PARN: variants seen among roughly 807,000 people sequenced by gnomAD.
PARN encodes the protein poly(A)-specific ribonuclease, also known as poly(A)-specific ribonuclease PARN.
PARN carries 71 observed loss-of-function variants against 102.8 expected under a neutral mutation model. The ratio of observed to expected loss-of-function variants is 0.69; its 90% CI spans 0.57 to 0.84. The LOEUF (loss-of-function observed/expected upper bound fraction) is 0.84. PARN is among the 40% of genes least tolerant of loss of function. PARN has a pLI of 0.00. For missense variants in PARN, 782 were observed against 760.9 expected (o/e 1.03, Z -0.33); for synonymous variants, 261 against 252.9 (o/e 1.03, Z -0.30).
At chr16:14,617,031 T>A (rs1971947225) in intron 6 of PARN, among the ~76,000 whole-genome samples, 1 of 150,406 alleles carries the variant, frequency 6.6e-6, no homozygotes, top group Admixed American at 6.6e-5. Flanking sequence ...TGAAGTAGTA[T>A]CTATTCTGTT....
At chr16:14,464,305 A>T (rs1270214408) in intron 22 of PARN, among the ~76,000 whole-genome samples, 1 of 152,240 alleles carries the variant, frequency 6.6e-6, no homozygotes, top group Non-Finnish European at 1.5e-5. Flanking sequence ...GCCACAGAGA[A>T]AGTTGTATTA....
intron 18 of PARN, among the ~76,000 whole-genome samples, chr16:14,559,167 G>A (rs1967891995): frequency 6.6e-6 from 1 of 151,616 alleles, no homozygotes; most frequent in African/African-American, 2.4e-5. Flanking sequence ...TACCAGGAAG[G>A]ATTATACTAA....
At chr16:14,502,033 A>G (rs1381945285) in intron 21 of PARN, among the ~76,000 whole-genome samples, 2 of 152,244 alleles carry the variant, frequency 1.3e-5, no homozygotes, top group African/African-American at 4.8e-5. Flanking sequence ...AACAAACATC[A>G]TATGAGCAGA....
chr16:14,515,774 T>C (rs1461657522), intron 21 of PARN, among the ~76,000 whole-genome samples: 1 of 144,380 alleles, frequency 6.9e-6, no homozygotes, highest in African/African-American at 2.5e-5. Context: ...TGTGTCTTAA[T>C]TTTTTTTTTT....
intron 21 of PARN, among the ~76,000 whole-genome samples, chr16:14,535,374 T>C (rs1005601079): frequency 1.3e-5 from 2 of 152,234 alleles, no homozygotes; most frequent in African/African-American, 4.8e-5. Context: ...TTTGGGCTTC[T>C]TTCCAGGATA....
At chr16:14,488,519 C>T (rs1474406263) in intron 21 of PARN, among the ~76,000 whole-genome samples, 1 of 152,014 alleles carries the variant, frequency 6.6e-6, no homozygotes, top group African/African-American at 2.4e-5. Flanking sequence ...ATAAAAATAG[C>T]CACAAACTAG....
intron 21 of PARN, among the ~76,000 whole-genome samples, chr16:14,501,014 A>T (rs553308485): frequency 9.2e-5 from 14 of 152,202 alleles, no homozygotes; most frequent in Non-Finnish European, 1.8e-4. Flanking sequence ...AATAGTCCAG[A>T]GGTCTGAATT....
intron 22 of PARN, among the ~76,000 whole-genome samples, chr16:14,448,921 G>A (rs1961321056): frequency 6.6e-6 from 1 of 152,160 alleles, no homozygotes; most frequent in Non-Finnish European, 1.5e-5. Flanking sequence ...GCAGTGGGGG[G>A]TGGCTGTTAA....
chr16:14,505,305 C>T (rs188535483), intron 21 of PARN, among the ~76,000 whole-genome samples: 175 of 152,300 alleles, frequency 1.1e-3, no homozygotes, highest in Non-Finnish European at 2.1e-3. Flanking sequence ...AGCTTTGGTT[C>T]GGCAACATAG....
At chr16:14,528,356 TG>T (rs1206477813) in intron 21 of PARN, among the ~76,000 whole-genome samples, 1 of 152,164 alleles carries the variant, frequency 6.6e-6, no homozygotes, top group Non-Finnish European at 1.5e-5. Context: ...TAGGAAGCCA[TG>T]GGAAAGAAAA....
At chr16:14,573,175 C>A (rs1968911378) in intron 18 of PARN, among the ~76,000 whole-genome samples, 3 of 152,066 alleles carry the variant, frequency 2.0e-5, no homozygotes, top group Non-Finnish European at 2.9e-5. Flanking sequence ...GCCACCATGC[C>A]CAACCTTATT....
chr16:14,481,645 A>G (rs1469560047), intron 22 of PARN, among the ~76,000 whole-genome samples: 1 of 152,222 alleles, frequency 6.6e-6, no homozygotes, highest in South Asian at 2.1e-4. Context: ...CAATTTTTTT[A>G]ATCTCTAAAA....
At chr16:14,612,220 C>G (rs528807500) in intron 6 of PARN, among the ~76,000 whole-genome samples, 12 of 152,170 alleles carry the variant, frequency 7.9e-5, no homozygotes, top group African/African-American at 2.9e-4. Flanking sequence ...GGGCGGATCA[C>G]AAGTTCAAAA....
At chr16:14,547,897 T>C (rs1159889399) in intron 21 of PARN, among the ~76,000 whole-genome samples, 1 of 152,162 alleles carries the variant, frequency 6.6e-6, no homozygotes, top group Non-Finnish European at 1.5e-5. Flanking sequence ...GTTACATTAT[T>C]GACCTAAGAG....
At chr16:14,602,714 T>A (rs116325735) in intron 11 of PARN, among the ~76,000 whole-genome samples, 4 of 152,084 alleles carry the variant, frequency 2.6e-5, no homozygotes, top group Non-Finnish European at 5.9e-5. Flanking sequence ...GGAGCTGCTA[T>A]GAGGCCAGCT....
intron 6 of PARN, among the ~76,000 whole-genome samples, chr16:14,612,997 T>C (rs1039791440): frequency 4.0e-5 from 6 of 151,844 alleles, no homozygotes; most frequent in African/African-American, 1.4e-4. Flanking sequence ...TTAGTTATCA[T>C]TGGGACACGG....
Position 14,436,675 on chromosome 16 carries a change from T to A in PARN, c.*42A>T. 6.8e-7 allele frequency: 1 copy of A among 1,474,956 alleles called. No individual in the cohort carries two copies. The highest frequency in any genetic ancestry group is 9.4e-7 in the Non-Finnish European group (1 of 1,068,238). 91.4% of individuals were successfully genotyped at this position (1,474,956 alleles called of 1,614,324 possible). ...TCCAAATGTGCCAGCCGGCTCTTGCTCACAGCGACAGCACCAGCGGTTTGC... is the reference window on the plus strand; with the variant it reads ...TCCAAATGTGCCAGCCGGCTCTTGCACACAGCGACAGCACCAGCGGTTTGC... On this transcript the variant is annotated 3_prime_UTR_variant, in exon 24 of 24. Coordinates refer to ENST00000437198, the MANE Select transcript of PARN (RefSeq NM_002582.4).
intron 13 of PARN, among the ~76,000 whole-genome samples, chr16:14,588,009 A>C (rs1220166629): frequency 6.6e-6 from 1 of 152,202 alleles, no homozygotes; most frequent in Non-Finnish European, 1.5e-5. Context: ...ACCACCTAGA[A>C]GGGGGTTATG....
At chr16:14,585,056 C>T (rs1007356179) in intron 14 of PARN, among the ~76,000 whole-genome samples, 1 of 152,186 alleles carries the variant, frequency 6.6e-6, no homozygotes, top group African/African-American at 2.4e-5. Flanking sequence ...GGAGAGTCCA[C>T]ACTTGGAGTA....
Sources: allele counts gnomAD v4.1 joint callset (sites outside exome capture counted in the v4.1 genomes callset), GRCh38; gene constraint gnomAD v4.1.1; transcripts MANE v1.5; gene names NCBI Gene and HGNC (gene_info 2026-07-23, HGNC 2026-07-21).